The following SCGB2B2 variants were observed in gnomAD, a reference collection of about 807,000 sequenced individuals.
The protein encoded by SCGB2B2 is secretoglobin-like protein.
Under a neutral mutation model 7.6 loss-of-function variants are expected in SCGB2B2, and 11 were observed. That is an observed-to-expected ratio of 1.45 (90% CI 0.91 to 2.40). The LOEUF (loss-of-function observed/expected upper bound fraction) is 2.40, where lower values mean the gene tolerates loss of function less well. Among genes scored for constraint, SCGB2B2 ranks in the 30% most tolerant of loss-of-function variants. The pLI, the probability that SCGB2B2 is intolerant of heterozygous loss-of-function variation, is 0.00. For missense variants in SCGB2B2, 104 were observed against 115.4 expected (o/e 0.90, Z 0.45); for synonymous variants, 50 against 48.6 (o/e 1.03, Z -0.12).
Position 34,591,433 on chromosome 19 carries a change from AC to A in SCGB2B2, c.*2121del. Among the ~76,000 whole-genome samples, 1 of 152,278 alleles carries A rather than the reference AC, an allele frequency of 6.6e-6. No homozygotes were observed. The highest frequency in any genetic ancestry group is 1.5e-5 in the Non-Finnish European group (1 of 68,004). ...TCCAGGGCTGCACTGTGACAAGGCC[AC>A]GGTGTCTACCTGGACGGCCACAGGG... On this transcript the variant is annotated 3_prime_UTR_variant, in exon 4 of 4. Transcript: ENST00000601241.
chr19:34,640,443 G>C (rs1269317241), intron 1 of SCGB2B2: 1 of 152,052 alleles, frequency 6.6e-6, no homozygotes, highest in Non-Finnish European at 1.5e-5. Context: ...GATCATGTTG[G>C]GGACTTGTGC....
rs2065942471 is a variant in SCGB2B2, at chr19:34,612,018, AATTCTTTTTTTT to A, written c.-2031-15436_-2031-15425del. ...ATTTTCATATATTTGTGTTTTAGAA[AATTCTTTTTTTT>A]TTTTTTTTTTTTTTTTTTTTTTTTT... is the stretch of plus-strand genomic sequence containing the variant. On this transcript the variant is annotated intron_variant, in intron 1 of 3. Transcript: ENST00000601241. 1.1e-4 allele frequency among the ~76,000 whole-genome samples: 9 copies of A among 78,592 alleles called. No individual in the cohort carries two copies. The South Asian group carries it at 1.2e-3, about 10-fold the overall frequency. 51.6% of individuals were successfully genotyped at this position (78,592 alleles called of 152,430 possible).
At chr19:34,664,101 C>T (rs1050601631) in intron 1 of SCGB2B2, among the ~76,000 whole-genome samples, 1 of 152,162 alleles carries the variant, frequency 6.6e-6, no homozygotes, top group Non-Finnish European at 1.5e-5. Flanking sequence ...TAAGGTGAAC[C>T]CACAGTTGAG....
rs532362988 is a variant in SCGB2B2 at position 34,670,744 on chromosome 19, ATG to A, written c.-2032+4884_-2032+4885del. Among the ~76,000 whole-genome samples, 229 of 152,298 alleles carry A rather than the reference ATG, an allele frequency of 1.5e-3. 2 individuals are homozygous for A. Among genetic ancestry groups the A allele is most frequent in the Non-Finnish European group, 1.5e-3 (101 of 68,020 alleles). On this transcript the variant is annotated intron_variant, in intron 1 of 3. Coordinates refer to ENST00000601241, the MANE Select transcript of SCGB2B2 (RefSeq NM_001025591.4). ...AAATGTTTACTGTTGACAAAGTTGA[ATG>A]TGTTATTTTTTTCTTTGATTGAACA...
At chr19:34,586,595 C>A (rs1488366491), downstream of SCGB2B2, among the ~76,000 whole-genome samples, 1 of 152,152 alleles carries the variant, frequency 6.6e-6, no homozygotes, top group Non-Finnish European at 1.5e-5. Flanking sequence ...ATAGTTTATA[C>A]CTTTTTTGAA....
At position 34,643,576 on chromosome 19, in the gene SCGB2B2, T is replaced by C. The variant is rs111861446; in HGVS notation, c.-2032+32054A>G. ...AAGTAGCTGGAAGGGAGGACTTGAATTGTTCCCAATGCATAGAAATGATAA... is the reference window on the plus strand; with the variant it reads ...AAGTAGCTGGAAGGGAGGACTTGAACTGTTCCCAATGCATAGAAATGATAA... On this transcript the variant is annotated intron_variant, in intron 1 of 3. Transcript: ENST00000601241. 7.9e-3 allele frequency among the ~76,000 whole-genome samples: 1,203 copies of C among 152,274 alleles called. 12 individuals are homozygous for C. Among genetic ancestry groups the C allele is most frequent in the Admixed American group, 0.012 (186 of 15,298 alleles).
chr19:34,616,973 T>C (rs1392668241), intron 1 of SCGB2B2, among the ~76,000 whole-genome samples: 4 of 152,208 alleles, frequency 2.6e-5, no homozygotes, highest in Non-Finnish European at 2.9e-5. Flanking sequence ...TTTTCTTAGT[T>C]TTGTCAAAGA....
At chr19:34,623,658 A>G (rs1412964930) in intron 1 of SCGB2B2, among the ~76,000 whole-genome samples, 1 of 152,134 alleles carries the variant, frequency 6.6e-6, no homozygotes, top group Admixed American at 6.5e-5. Context: ...GGGGCCCAGG[A>G]GGGATTGTGC....
chr19:34,656,548 A>G (rs2067288376), intron 1 of SCGB2B2, among the ~76,000 whole-genome samples: 2 of 151,352 alleles, frequency 1.3e-5, no homozygotes, highest in Admixed American at 1.3e-4. Context: ...GGCTGCAGTG[A>G]GCCATGACTG....
chr19:34,623,054 A>C (rs1213026973), intron 1 of SCGB2B2, among the ~76,000 whole-genome samples: 1 of 151,950 alleles, frequency 6.6e-6, no homozygotes, highest in Non-Finnish European at 1.5e-5. Flanking sequence ...TATTATGGTC[A>C]CATTTAGGGT....
intron 1 of SCGB2B2, among the ~76,000 whole-genome samples, chr19:34,601,923 T>G (rs1271625310): frequency 6.6e-6 from 1 of 152,084 alleles, no homozygotes; most frequent in Non-Finnish European, 1.5e-5. Flanking sequence ...CTTGACAGCT[T>G]TTTATTTTAT....
At chr19:34,659,187 T>C (rs1028639024) in intron 1 of SCGB2B2, among the ~76,000 whole-genome samples, 3 of 152,192 alleles carry the variant, frequency 2.0e-5, no homozygotes, top group Admixed American at 2.0e-4. Flanking sequence ...AGTATCATAC[T>C]GAATGGGCAA....
chr19:34,676,238 A>C lies in SCGB2B2; in HGVS notation c.-2640T>G, dbSNP rs2067941947. 1 of 152,252 alleles carries C rather than the reference A, an allele frequency of 6.6e-6. No homozygotes were observed. The highest frequency in any genetic ancestry group is 2.1e-4 in the South Asian group (1 of 4,834). The allele number at this position is 152,252 out of a possible 1,614,324, so 9.4% of individuals were successfully genotyped here. ...TTGGTGTATTTACAATCCTTCAGCT[A>C]TACAGAAAAGTTCTCCAAGGCCCCA... On this transcript the variant is annotated 5_prime_UTR_variant, in exon 1 of 4. Transcript: ENST00000601241.
chr19:34,623,344 G>A (rs2066287988), intron 1 of SCGB2B2, among the ~76,000 whole-genome samples: 1 of 152,138 alleles, frequency 6.6e-6, no homozygotes, highest in Non-Finnish European at 1.5e-5. Flanking sequence ...GCTTGAAGAT[G>A]GGTTGTTAAG....
At chr19:34,673,200 A>G (rs2067843710) in intron 1 of SCGB2B2, among the ~76,000 whole-genome samples, 1 of 152,170 alleles carries the variant, frequency 6.6e-6, no homozygotes, top group South Asian at 2.1e-4. Flanking sequence ...TGAGTATTGC[A>G]TGTAATGTGT....
At chr19:34,631,663 A>T (rs529168580) in intron 1 of SCGB2B2, among the ~76,000 whole-genome samples, 1 of 152,296 alleles carries the variant, frequency 6.6e-6, no homozygotes, top group East Asian at 1.9e-4. Context: ...TACAACACTC[A>T]ATATTGTTAA....
chr19:34,613,070 G>T (rs1370635796), intron 1 of SCGB2B2, among the ~76,000 whole-genome samples: 3 of 150,138 alleles, frequency 2.0e-5, no homozygotes, highest in African/African-American at 7.4e-5. Context: ...TCATTTGTGT[G>T]GAATATTTTT....
At chr19:34,654,951 G>T (rs552159444) in intron 1 of SCGB2B2, among the ~76,000 whole-genome samples, 1 of 151,104 alleles carries the variant, frequency 6.6e-6, no homozygotes, top group Admixed American at 6.6e-5. Context: ...AGAATCCTTC[G>T]GGCACTTACA....
chr19:34,587,062 C>T (rs1383785945), downstream of SCGB2B2, among the ~76,000 whole-genome samples: 1 of 152,064 alleles, frequency 6.6e-6, no homozygotes, highest in African/African-American at 2.4e-5. Flanking sequence ...CATGTGCTAC[C>T]ATGTCTGGCT....
Sources: allele counts gnomAD v4.1 joint callset (sites outside exome capture counted in the v4.1 genomes callset), GRCh38; gene constraint gnomAD v4.1.1; transcripts MANE v1.5; gene names NCBI Gene and HGNC (gene_info 2026-07-23, HGNC 2026-07-21).